IL17D: variants seen among roughly 807,000 people sequenced by gnomAD.
IL17D encodes the protein interleukin 17D.
Under a neutral mutation model 5.7 loss-of-function variants are expected in IL17D, and 10 were observed. That is an observed-to-expected ratio of 1.75 (90% CI 1.08 to 2.97). The LOEUF (loss-of-function observed/expected upper bound fraction) is 2.97. Among genes scored for constraint, IL17D ranks in the 30% most tolerant of loss-of-function variants. The pLI, the probability that IL17D is intolerant of heterozygous loss-of-function variation, is 0.00. For missense variants in IL17D, 354 were observed against 292.7 expected (o/e 1.21, Z -1.53); for synonymous variants, 172 against 141.7 (o/e 1.21, Z -1.52).
At position 20,721,714 on chromosome 13, in the gene IL17D, G is replaced by A; in HGVS notation, c.369G>A (p.Leu123=). 1.2e-6 allele frequency: 2 copies of A among 1,611,394 alleles called. No individual in the cohort carries two copies. Among genetic ancestry groups the A allele is most frequent in the South Asian group, 2.2e-5 (2 of 90,992 alleles). ...TGTGCCGGGGCTGCCTGACCGGGCT[G>A]TTCGGCGAGGAGGACGTGCGCTTCC... ...YCLCRGCLTG[L]FGEEDVRFRS... The change falls in exon 2 of 2, where the codon CTG becomes CTA. Residue 123 remains leucine (L), a synonymous_variant. Transcript: ENST00000682841.
At position 20,721,897 on chromosome 13, in the gene IL17D, C is replaced by G. The variant is rs112043741; in HGVS notation, c.552C>G (p.Ile184Met). The G allele has an allele frequency of 2.5e-3, 4,057 of 1,608,358 alleles. 70 individuals carry two copies. The South Asian group carries it at 0.031, about 12-fold the overall frequency. Residue 184 changes from isoleucine (I) to methionine (M), a missense_variant, in exon 2 of 2, where the codon ATC becomes ATG. Transcript: ENST00000682841. The stretch of plus-strand genomic sequence containing the variant: ...ACGCAGACAGCATCAACTCCAGCAT[C>G]GACAAACAGGGCGCCAAGCTCCTGC... ...EKDADSINSSIDKQGAKLLLG... is the reference protein window; with the variant it reads ...EKDADSINSSMDKQGAKLLLG...
At chr13:20,704,558 G>T (rs1410596611) in intron 1 of IL17D, among the ~76,000 whole-genome samples, 4 of 148,416 alleles carry the variant, frequency 2.7e-5, no homozygotes, top group African/African-American at 9.9e-5. Flanking sequence ...GGGGTGGGGC[G>T]GGGCAGTTGG....
At position 20,716,030 on chromosome 13, in the gene IL17D, C is replaced by T. The variant is rs374541314; in HGVS notation, c.291-5606C>T. On this transcript the variant is annotated intron_variant, in intron 1 of 1. Transcript: ENST00000682841. The surrounding 1 kb of genome is among the most constrained non-coding windows in gnomAD (Gnocchi z 4.2). Reference sequence around the variant, plus strand: ...GATTACAGGCATGAGCCACCGCGCCCGGCCAGAATCGACACTTTTAACAGG... The same window carrying T: ...GATTACAGGCATGAGCCACCGCGCCTGGCCAGAATCGACACTTTTAACAGG... 51 of 958,954 alleles carry T rather than the reference C, an allele frequency of 5.3e-5. No homozygotes were observed. The highest frequency in any genetic ancestry group is 1.4e-4 in the South Asian group (3 of 20,714). The allele number at this position is 958,954 out of a possible 1,614,324, so 59.4% of individuals were successfully genotyped here. A position where few individuals can be genotyped will look rare whatever the true frequency, so the allele number is the denominator to read the frequency against.
intron 1 of IL17D, among the ~76,000 whole-genome samples, chr13:20,708,843 C>CAAAAAAA (rs10644027): frequency 4.5e-5 from 5 of 111,840 alleles, no homozygotes; most frequent in African/African-American, 6.8e-5. Context: ...ACTAAAAATA[C>CAAAAAAA]AAAAAAAAAA....
intron 1 of IL17D, chr13:20,713,946 G>A (rs779925270): frequency 6.6e-6 from 1 of 152,214 alleles, no homozygotes; most frequent in Non-Finnish European, 1.5e-5. Context: ...ACTGGCGGTC[G>A]GGTGGACTCC....
At chr13:20,711,649 C>T (rs2058638825) in intron 1 of IL17D, among the ~76,000 whole-genome samples, 1 of 152,196 alleles carries the variant, frequency 6.6e-6, no homozygotes, top group South Asian at 2.1e-4. Flanking sequence ...TGAGACCCTC[C>T]CCAGCAGCCC....
intron 1 of IL17D, among the ~76,000 whole-genome samples, chr13:20,707,094 C>T (rs774797527): frequency 1.3e-5 from 2 of 152,172 alleles, no homozygotes; most frequent in Non-Finnish European, 2.9e-5. Context: ...CTGCATTTTC[C>T]TGCCAGGAGA....
At chr13:20,706,501 T>C (rs931749663) in intron 1 of IL17D, among the ~76,000 whole-genome samples, 2 of 152,256 alleles carry the variant, frequency 1.3e-5, no homozygotes, top group Non-Finnish European at 2.9e-5. Context: ...CAAAGGCATG[T>C]CTCTCATGTT....
chr13:20,702,043 CTGAG>C (rs1240326877), upstream of IL17D: 13 of 152,302 alleles, frequency 8.5e-5, no homozygotes, highest in Middle Eastern at 6.8e-3. Context: ...ATGAGACAGA[CTGAG>C]TATTTCTATG....
intron 1 of IL17D, among the ~76,000 whole-genome samples, chr13:20,718,378 G>A (rs185540746): frequency 5.3e-5 from 7 of 132,676 alleles, no homozygotes; most frequent in African/African-American, 5.7e-5. Flanking sequence ...ACGCTCACAC[G>A]CACCTGCCCA....
rs1051245645 is a variant in IL17D at position 20,703,925 on chromosome 13, C to G, written c.-77C>G. 1.3e-5 allele frequency: 11 copies of G among 844,514 alleles called. No homozygotes were observed. In the African/African-American group the frequency reaches 2.0e-4, roughly 16 times the overall value. 52.3% of individuals were successfully genotyped at this position (844,514 alleles called of 1,614,324 possible). On this transcript the variant is annotated 5_prime_UTR_variant, in exon 1 of 2. Transcript: ENST00000682841. ...GCCCGCCGGCTCCGGGCGCCGCGGG[C>G]GGGACACGGGCGCGGGGCGCAGGCG...
At chr13:20,714,787 G>C (rs1441506284) in intron 1 of IL17D, among the ~76,000 whole-genome samples, 12 of 152,146 alleles carry the variant, frequency 7.9e-5, no homozygotes, top group Non-Finnish European at 7.3e-5. Flanking sequence ...TTTCTTGTGG[G>C]GGCCAGAAAA....
At chr13:20,702,694 C>A (rs2058554412), upstream of IL17D, 2 of 152,126 alleles carry the variant, frequency 1.3e-5, no homozygotes, top group African/African-American at 4.8e-5. Context: ...AGTAGGAACT[C>A]TCCAACATCG....
upstream of IL17D, chr13:20,702,081 T>G (rs1272137824): frequency 6.6e-6 from 1 of 152,230 alleles, no homozygotes. Flanking sequence ...GATACTCTCT[T>G]AAAAGCCTCC....
intron 1 of IL17D, chr13:20,713,171 G>A (rs1049335813): frequency 3.9e-5 from 6 of 152,174 alleles, no homozygotes; most frequent in Non-Finnish European, 8.8e-5. Flanking sequence ...ACAACGCTTT[G>A]TTGAGAAAAC....
chr13:20,708,280 A>C (rs1244705537), intron 1 of IL17D, among the ~76,000 whole-genome samples: 1 of 152,210 alleles, frequency 6.6e-6, no homozygotes, highest in African/African-American at 2.4e-5. Flanking sequence ...AGGAGTACTG[A>C]TGGGCACAGC....
chr13:20,718,446 A>G (rs954134135), intron 1 of IL17D, among the ~76,000 whole-genome samples: 4 of 146,598 alleles, frequency 2.7e-5, no homozygotes, highest in Non-Finnish European at 6.0e-5. Flanking sequence ...ACACCCGCCC[A>G]TGCTCACACA....
At chr13:20,719,938 C>T (rs947275766) in intron 1 of IL17D, among the ~76,000 whole-genome samples, 5 of 152,246 alleles carry the variant, frequency 3.3e-5, no homozygotes, top group Non-Finnish European at 5.9e-5. Flanking sequence ...TTGTGTTCCT[C>T]TACTCAAGGC....
intron 1 of IL17D, among the ~76,000 whole-genome samples, chr13:20,715,633 G>A (rs534554745): frequency 4.6e-5 from 7 of 152,342 alleles, no homozygotes; most frequent in Admixed American, 1.3e-4. Context: ...GCTTGTTAGT[G>A]TGGAGAGCTT....
Sources: gnomAD v4.1 joint callset for allele counts (sites outside exome capture counted in the v4.1 genomes callset) on GRCh38, gnomAD v4.1.1 for gene constraint, Gnocchi (gnomAD v3.1) non-coding constraint, MANE v1.5 for transcripts, NCBI Gene and HGNC (gene_info 2026-07-23, HGNC 2026-07-21) for gene names.